Variants in RAB3B observed in about 807,000 individuals in gnomAD.
The protein encoded by RAB3B is ras-related protein Rab-3B.
Under a neutral mutation model 20.5 loss-of-function variants are expected in RAB3B, and 11 were observed. That is an observed-to-expected ratio of 0.54 (90% CI 0.34 to 0.89). The LOEUF (loss-of-function observed/expected upper bound fraction) is 0.89. RAB3B is among the 40% of genes least tolerant of loss of function. The pLI is 0.02. For synonymous variants in RAB3B, 99 were observed against 106.3 expected, an observed-to-expected ratio of 0.93 and a Z score of 0.42; for missense variants, 225 against 280.9, an observed-to-expected ratio of 0.80 and a Z score of 1.42.
chr1:51,912,601 A>ATATAT lies in RAB3B; in HGVS notation c.*7325_*7326insATATA, dbSNP rs1557958113. 4.2e-3 allele frequency: 112 copies of ATATAT among 26,804 alleles called. 4 individuals are homozygous for ATATAT. The highest frequency in any genetic ancestry group is 5.9e-3 in the Non-Finnish European group (79 of 13,406). The allele number at this position is 26,804 out of a possible 1,614,324, so 1.7% of individuals were successfully genotyped here. A position where few individuals can be genotyped will look rare whatever the true frequency, so the allele number is the denominator to read the frequency against. On this transcript the variant is annotated 3_prime_UTR_variant, in exon 5 of 5. Transcript: ENST00000371655. ...TATATATATATATATATATATATAT[A>ATATAT]AAAAATGTTACTCCTGTGAGACAGA...
chr1:51,960,410 C>A (rs1406813983), intron 2 of RAB3B, among the ~76,000 whole-genome samples: 2 of 151,932 alleles, frequency 1.3e-5, no homozygotes, highest in African/African-American at 4.9e-5. Flanking sequence ...CAGCACAGAG[C>A]CCCTGCGTCA....
chr1:51,936,429 T>C (rs1366374832), intron 3 of RAB3B, among the ~76,000 whole-genome samples: 1 of 152,188 alleles, frequency 6.6e-6, no homozygotes, highest in Non-Finnish European at 1.5e-5. Context: ...CTTTAAGTGC[T>C]ATGTGGATTC....
At chr1:51,947,347 G>C (rs1185528522) in intron 2 of RAB3B, among the ~76,000 whole-genome samples, 1 of 151,450 alleles carries the variant, frequency 6.6e-6, no homozygotes, top group Admixed American at 6.6e-5. Flanking sequence ...AGTGAGCTGA[G>C]ATTGCACACT....
At chr1:51,957,178 A>T (rs1312813591) in intron 2 of RAB3B, among the ~76,000 whole-genome samples, 1 of 152,196 alleles carries the variant, frequency 6.6e-6, no homozygotes, top group East Asian at 1.9e-4. Context: ...CCAAACCAGG[A>T]GGAAGAAAAA....
rs1683995019 is a variant in RAB3B at position 51,911,344 on chromosome 1, CTA to C, written c.*8581_*8582del. Reference sequence around the variant, plus strand: ...GATTATACATTCTGGATCAGAAAGTCTATATCAGTGGGATTTTCTGAATGACC... The same window carrying C: ...GATTATACATTCTGGATCAGAAAGTCTATCAGTGGGATTTTCTGAATGACC... On this transcript the variant is annotated 3_prime_UTR_variant, in exon 5 of 5. Transcript: ENST00000371655. 6.6e-6 allele frequency: 1 copy of C among 152,080 alleles called. No homozygotes were observed. The highest frequency in any genetic ancestry group is 1.5e-5 in the Non-Finnish European group (1 of 68,030). The allele number at this position is 152,080 out of a possible 1,614,324, so 9.4% of individuals were successfully genotyped here. A position where few individuals can be genotyped will look rare whatever the true frequency, so the allele number is the denominator to read the frequency against.
rs773770577 is a variant in RAB3B, at chr1:51,920,042, G to A, written c.545C>T (p.Ala182Val). Residue 182 changes from alanine to valine, a missense_variant, in exon 5 of 5, where the codon GCC (alanine) becomes GTC (valine). Coordinates refer to ENST00000371655, the MANE Select transcript of RAB3B (RefSeq NM_002867.4). ...CGAATCAGACATCTTGTCACAAATGGCATCCACCAGGCGCTCAAAGGCCTG... is the reference window on the plus strand; with the variant it reads ...CGAATCAGACATCTTGTCACAAATGACATCCACCAGGCGCTCAAAGGCCTG... ...VRQAFERLVD[A>V]ICDKMSDSLD... 5.6e-6 allele frequency: 9 copies of A among 1,614,032 alleles called. No homozygotes were observed. The highest frequency in any genetic ancestry group is 1.7e-5 in the Admixed American group (1 of 60,000).
At chr1:51,953,107 C>G (rs558372134) in intron 2 of RAB3B, among the ~76,000 whole-genome samples, 1 of 152,344 alleles carries the variant, frequency 6.6e-6, no homozygotes, top group Non-Finnish European at 1.5e-5. Flanking sequence ...TAGCAGTATT[C>G]TAAAGATGCC....
At chr1:51,954,911 C>T (rs1234738983) in intron 2 of RAB3B, among the ~76,000 whole-genome samples, 3 of 152,186 alleles carry the variant, frequency 2.0e-5, no homozygotes, top group Admixed American at 6.5e-5. Flanking sequence ...AGCTAGATCA[C>T]GGAGGTCTTG....
At chr1:51,932,038 C>T (rs1684334234) in intron 4 of RAB3B, among the ~76,000 whole-genome samples, 1 of 152,048 alleles carries the variant, frequency 6.6e-6, no homozygotes, top group Admixed American at 6.6e-5. Context: ...AGTGTAGAGA[C>T]AGCAAGGCCC....
intron 2 of RAB3B, among the ~76,000 whole-genome samples, chr1:51,962,991 T>C (rs573031082): frequency 1.3e-5 from 2 of 152,226 alleles, no homozygotes; most frequent in African/African-American, 4.8e-5. Context: ...CACCCACTTA[T>C]CCCTCTACTG....
At chr1:51,920,352 G>T (rs951795865) in intron 4 of RAB3B, among the ~76,000 whole-genome samples, 1 of 152,210 alleles carries the variant, frequency 6.6e-6, no homozygotes, top group Admixed American at 6.5e-5. Flanking sequence ...GTTTAATTCC[G>T]GGCTGAGTCA....
At position 51,915,561 on chromosome 1, in the gene RAB3B, T is replaced by C. The variant is rs980256336; in HGVS notation, c.*4366A>G. 6.6e-6 allele frequency: 1 copy of C among 152,232 alleles called. No homozygotes were observed. The highest frequency in any genetic ancestry group is 2.4e-5 in the African/African-American group (1 of 41,454). 9.4% of individuals were successfully genotyped at this position (152,232 alleles called of 1,614,324 possible). ...ATAATGCTATAGACTGAGGAGACAA[T>C]GAGTCACGAATCACTTTGTATTTAC... On this transcript the variant is annotated 3_prime_UTR_variant, in exon 5 of 5. Transcript: ENST00000371655.
rs3074914 is a variant in RAB3B at position 51,971,010 on chromosome 1, CAAAAAAAAAAA to C, written c.228+5869_228+5879del. Among the ~76,000 whole-genome samples the C allele has an allele frequency of 3.9e-4, 22 of 55,732 alleles. No homozygotes were observed. The East Asian group carries it at 7.7e-3, about 20-fold the overall frequency. 36.6% of individuals were successfully genotyped at this position (55,732 alleles called of 152,430 possible). ...TGGGTGACAGAGCGAGACTCCGTCT[CAAAAAAAAAAA>C]AAAAAAAAAAAAGAAAGAAAGCAAC... On this transcript the variant is annotated intron_variant, in intron 2 of 4. Coordinates refer to ENST00000371655, the MANE Select transcript of RAB3B (RefSeq NM_002867.4).
intron 2 of RAB3B, among the ~76,000 whole-genome samples, chr1:51,940,080 T>A (rs1248908069): frequency 6.6e-6 from 1 of 152,228 alleles, no homozygotes; most frequent in Non-Finnish European, 1.5e-5. Context: ...GGAGAATATA[T>A]GTTGTTACTC....
chr1:51,929,918 T>C (rs540958579), intron 4 of RAB3B, among the ~76,000 whole-genome samples: 1 of 152,316 alleles, frequency 6.6e-6, no homozygotes, highest in South Asian at 2.1e-4. Flanking sequence ...TGTTTTTCAC[T>C]GAATAAGTAA....
chr1:51,922,980 A>T (rs1386280257), intron 4 of RAB3B, among the ~76,000 whole-genome samples: 4 of 152,204 alleles, frequency 2.6e-5, no homozygotes, highest in Non-Finnish European at 4.4e-5. Flanking sequence ...TACAGGCATG[A>T]GCCACAGTGA....
Position 51,933,346 on chromosome 1 carries a change from C to T in RAB3B, c.444G>A (p.Glu148=). The T allele has an allele frequency of 1.9e-6, 3 of 1,614,170 alleles. No homozygotes were observed. Among genetic ancestry groups the T allele is most frequent in the South Asian group, 2.2e-5 (2 of 91,070 alleles). ...DMEEERVVPT[E]KGQLLAEQLG... is the part of the protein sequence containing the mutation. ...GCTGCTCTGCAAGGAGCTGGCCCTT[C>T]TCAGTGGGAACAACCCTCTCTTCCT... is the stretch of plus-strand genomic sequence containing the variant. The change falls in exon 4 of 5, where the codon GAG becomes GAA. Residue 148 remains glutamate (E), a synonymous_variant. Coordinates refer to ENST00000371655, the MANE Select transcript of RAB3B (RefSeq NM_002867.4).
At chr1:51,981,735 T>A (rs531251230) in intron 1 of RAB3B, among the ~76,000 whole-genome samples, 5 of 152,324 alleles carry the variant, frequency 3.3e-5, no homozygotes, top group African/African-American at 1.2e-4. Context: ...AAGATTATAA[T>A]GGAGCTGAAA....
rs1684001469 is a variant in RAB3B, at chr1:51,911,755, A to G, written c.*8172T>C. 6.6e-6 allele frequency: 1 copy of G among 152,180 alleles called. No homozygotes were observed. The highest frequency in any genetic ancestry group is 2.4e-5 in the African/African-American group (1 of 41,448). 9.4% of individuals were successfully genotyped at this position (152,180 alleles called of 1,614,324 possible). A position where few individuals can be genotyped will look rare whatever the true frequency, so the allele number is the denominator to read the frequency against. On this transcript the variant is annotated 3_prime_UTR_variant, in exon 5 of 5. Coordinates refer to ENST00000371655, the MANE Select transcript of RAB3B (RefSeq NM_002867.4). ...AAGCCATCACAGCTTTAGACCTCAT[A>G]TCTTCAAATATTTGCCACTCAAATG... is the stretch of plus-strand genomic sequence containing the variant.
Sources: gnomAD v4.1 joint callset for allele counts (sites outside exome capture counted in the v4.1 genomes callset) on GRCh38, gnomAD v4.1.1 for gene constraint, MANE v1.5 for transcripts, NCBI Gene and HGNC (gene_info 2026-07-23, HGNC 2026-07-21) for gene names.